The following EVL variants were observed in gnomAD, a reference collection of about 807,000 sequenced individuals.
EVL encodes Enah/Vasp-like, also known as ena/VASP-like protein.
Under a neutral mutation model 59.6 loss-of-function variants are expected in EVL, and 21 were observed. That is an observed-to-expected ratio of 0.35 (90% CI 0.25 to 0.51). The LOEUF is 0.51. Ranked by LOEUF, EVL falls within the 20% of genes least tolerant of loss-of-function variation. EVL has a pLI of 0.97. For synonymous variants in EVL, 198 were observed against 203.5 expected, an observed-to-expected ratio of 0.97 and a Z score of 0.23; for missense variants, 462 against 546.6, an observed-to-expected ratio of 0.85 and a Z score of 1.54.
rs562152795 is a variant in EVL, at chr14:100,009,529, A to AATTT, written c.5+37481_5+37484dup. 3.7e-3 allele frequency among the ~76,000 whole-genome samples: 559 copies of AATTT among 152,196 alleles called. 4 individuals are homozygous for AATTT. The highest frequency in any genetic ancestry group is 0.013 in the African/African-American group (540 of 41,536). On this transcript the variant is annotated intron_variant, in intron 1 of 13. Transcript: ENST00000402714. ...TTCTTTCTGTTTTTTTAGTCCATTCAATTTATTTATTTGTTTATTCAATCA... is the reference window on the plus strand; with the variant it reads ...TTCTTTCTGTTTTTTTAGTCCATTCAATTTATTTATTTATTTGTTTATTCAATCA...
chr14:99,997,335 C>G (rs2060920312), intron 1 of EVL, among the ~76,000 whole-genome samples: 1 of 152,250 alleles, frequency 6.6e-6, no homozygotes, highest in African/African-American at 2.4e-5. Flanking sequence ...TTCAGTTTCT[C>G]TTGCTCAGTT....
rs1888307126 is a variant in EVL, at chr14:100,129,650, C to T, written c.805C>T (p.Leu269Phe). 1.3e-6 allele frequency: 2 copies of T among 1,599,096 alleles called. No homozygotes were observed. Among genetic ancestry groups the T allele is most frequent in the Non-Finnish European group, 1.7e-6 (2 of 1,172,170 alleles). The change falls in exon 7 of 14, where the codon CTC becomes TTC. Residue 269 changes from leucine to phenylalanine, a missense_variant. Physicochemically the swap from Leu to Phe is conservative, Grantham distance 22. Transcript: ENST00000392920. ...RASSGGGGGGLMEEMNKLLAK... is the reference protein window; with the variant it reads ...RASSGGGGGGFMEEMNKLLAK... ...AAGCAGCGGGGGTGGCGGAGGAGGCCTCATGGAGGAAATGAACAAACTGCT... is the reference window on the plus strand; with the variant it reads ...AAGCAGCGGGGGTGGCGGAGGAGGCTTCATGGAGGAAATGAACAAACTGCT...
upstream of EVL, among the ~76,000 whole-genome samples, chr14:100,061,928 G>A (rs1254796522): frequency 2.0e-5 from 3 of 151,900 alleles, no homozygotes; most frequent in Non-Finnish European, 1.5e-5. Flanking sequence ...AAAAGGAGGG[G>A]TTGGTCTTGC....
At chr14:99,974,490 G>T in intron 1 of EVL, 1 of 153,510 alleles carries the variant, frequency 6.5e-6, no homozygotes, top group South Asian at 1.9e-4. Flanking sequence ...TGGCCTTGGT[G>T]AAGTTGCCCA....
At chr14:100,044,708 C>G (rs894328452) in intron 1 of EVL, among the ~76,000 whole-genome samples, 34 of 152,192 alleles carry the variant, frequency 2.2e-4, no homozygotes, top group African/African-American at 7.5e-4. Context: ...ACCATCTCCA[C>G]ACATCAGCTG....
At chr14:100,073,236 A>G (rs1184849484) in intron 1 of EVL, among the ~76,000 whole-genome samples, 5 of 151,098 alleles carry the variant, frequency 3.3e-5, no homozygotes, top group Non-Finnish European at 5.9e-5. Context: ...CTTCCCCTTC[A>G]TGACAACATC....
chr14:100,066,679 TA>T lies in EVL; in HGVS notation c.11+1171del, dbSNP rs540626218. 1.6e-4 allele frequency among the ~76,000 whole-genome samples: 24 copies of T among 152,354 alleles called. 1 individual carries two copies. In the East Asian group the frequency reaches 4.6e-3, roughly 29 times the overall value. On this transcript the variant is annotated intron_variant, in intron 1 of 13. Transcript: ENST00000392920. ...CAACTTCCAAAGTCATTTTCAGTTG[TA>T]AATTACATTGTGAAAACTTCTAGCA...
intron 1 of EVL, among the ~76,000 whole-genome samples, chr14:100,008,063 C>T (rs1160410297): frequency 2.0e-5 from 3 of 152,212 alleles, no homozygotes; most frequent in African/African-American, 7.2e-5. Flanking sequence ...CCAAATGTTC[C>T]TGGGGCCCAG....
In EVL at chr14:100,135,978, C is replaced by T. The variant is rs201497630; in HGVS notation, c.964+10C>T. 47 of 1,613,064 alleles carry T rather than the reference C, an allele frequency of 2.9e-5. No homozygotes were observed. Among genetic ancestry groups the T allele is most frequent in the African/African-American group, 5.3e-5 (4 of 74,924 alleles). On this transcript the variant is annotated intron_variant, in intron 9 of 13. Transcript: ENST00000392920. ...CCACCTAACTCCTCAGGTGAGAGGGCGCCCCCCGCTGACCCCAGTGAGGCA... is the reference window on the plus strand; with the variant it reads ...CCACCTAACTCCTCAGGTGAGAGGGTGCCCCCCGCTGACCCCAGTGAGGCA...
intron 1 of EVL, among the ~76,000 whole-genome samples, chr14:100,046,437 C>T (rs1227626343): frequency 2.0e-5 from 3 of 152,166 alleles, no homozygotes; most frequent in Non-Finnish European, 2.9e-5. Flanking sequence ...GAGGCCCAGG[C>T]GGGCAGATCA....
At chr14:99,979,239 A>C (rs57934033) in intron 1 of EVL, among the ~76,000 whole-genome samples, 11,501 of 152,062 alleles carry the variant, frequency 0.076, 536 homozygotes, top group Non-Finnish European at 0.1. Context: ...GCTAAAAAAA[A>C]AACAACAACA....
rs1157687850 is a variant in EVL at position 100,130,366 on chromosome 14, T to C, written c.839+682T>C. On this transcript the variant is annotated intron_variant, in intron 7 of 13. Coordinates refer to ENST00000392920, the MANE Select transcript of EVL (RefSeq NM_016337.3). The surrounding 1 kb of genome is among the most constrained non-coding windows in gnomAD (Gnocchi z 4.8). The stretch of plus-strand genomic sequence containing the variant: ...AAAGGGATGCAAAGCTTGGATTTTA[T>C]TTTTAAATATGACTTGGCATCAGGA... Among the ~76,000 whole-genome samples, 1 of 152,236 alleles carries C rather than the reference T, an allele frequency of 6.6e-6. No homozygotes were observed. The highest frequency in any genetic ancestry group is 6.5e-5 in the Admixed American group (1 of 15,292).
chr14:100,000,196 A>C (rs1020265686), intron 1 of EVL, among the ~76,000 whole-genome samples: 10 of 152,214 alleles, frequency 6.6e-5, no homozygotes, highest in African/African-American at 2.2e-4. Context: ...TCAGGGCACA[A>C]CTTGGTTTTA....
At chr14:100,034,900 A>G (rs1162467386) in intron 1 of EVL, among the ~76,000 whole-genome samples, 6 of 152,180 alleles carry the variant, frequency 3.9e-5, no homozygotes, top group African/African-American at 1.4e-4. Flanking sequence ...TTGTGAGGAA[A>G]AGTATGATTA....
At chr14:100,071,916 C>T (rs556802625) in intron 1 of EVL, among the ~76,000 whole-genome samples, 1 of 152,130 alleles carries the variant, frequency 6.6e-6, no homozygotes, top group African/African-American at 2.4e-5. Flanking sequence ...TACTTCATAG[C>T]ATGAAACCTG....
chr14:100,028,134 G>GTTTTTTTTT (rs137903594), intron 1 of EVL, among the ~76,000 whole-genome samples: 20 of 118,760 alleles, frequency 1.7e-4, no homozygotes, highest in African/African-American at 2.6e-4. Context: ...TTGTTTGTTT[G>GTTTTTTTTT]TTTTTTTTTT....
chr14:100,027,966 C>T (rs1007001871), intron 1 of EVL, among the ~76,000 whole-genome samples: 5 of 152,184 alleles, frequency 3.3e-5, no homozygotes, highest in African/African-American at 1.2e-4. Flanking sequence ...TGAGCCACCG[C>T]ACCCAGACTC....
upstream of EVL, among the ~76,000 whole-genome samples, chr14:100,060,635 A>G (rs912117241): frequency 6.6e-6 from 1 of 152,154 alleles, no homozygotes; most frequent in Admixed American, 6.5e-5. Flanking sequence ...CAGGAGGTCT[A>G]CATACGTGTA....
In EVL at chr14:100,109,779, C is replaced by A. The variant is rs186132642; in HGVS notation, c.358+12121C>A. On this transcript the variant is annotated intron_variant, in intron 3 of 13. Transcript: ENST00000392920. The surrounding 1 kb of genome is among the most constrained non-coding windows in gnomAD (Gnocchi z 4.3). ...TCACCACCCCAAACAGAGGAACACG[C>A]CTTCTCCAGCCACAGCCTATGGAAG... is the stretch of plus-strand genomic sequence containing the variant. 8.0e-6 allele frequency: 4 copies of A among 499,642 alleles called. No homozygotes were observed. Among genetic ancestry groups the A allele is most frequent in the East Asian group, 1.2e-4 (2 of 17,340 alleles). 31.0% of individuals were successfully genotyped at this position (499,642 alleles called of 1,614,324 possible). A position where few individuals can be genotyped will look rare whatever the true frequency, so the allele number is the denominator to read the frequency against.
Sources: gnomAD v4.1 joint callset for allele counts (sites outside exome capture counted in the v4.1 genomes callset) on GRCh38, gnomAD v4.1.1 for gene constraint, Gnocchi (gnomAD v3.1) non-coding constraint, MANE v1.5 for transcripts, NCBI Gene and HGNC (gene_info 2026-07-23, HGNC 2026-07-21) for gene names.